Variants in PAWR observed in about 807,000 individuals in gnomAD.
The protein encoded by PAWR is PRKC apoptosis WT1 regulator protein.
A neutral mutation model predicts 32.0 loss-of-function variants in PAWR; 23 were observed. The ratio of observed to expected loss-of-function variants is 0.72; its 90% CI spans 0.52 to 1.02. The LOEUF is 1.02. PAWR is among the 50% of genes least tolerant of loss of function. The pLI is 0.00. For synonymous variants in PAWR, 226 were observed against 187.1 expected, an observed-to-expected ratio of 1.21 and a Z score of -1.70; for missense variants, 457 against 437.7, an observed-to-expected ratio of 1.04 and a Z score of -0.39.
At chr12:79,664,306 T>C (rs1877494506) in intron 2 of PAWR, among the ~76,000 whole-genome samples, 1 of 152,114 alleles carries the variant, frequency 6.6e-6, no homozygotes, top group Non-Finnish European at 1.5e-5. Context: ...ATCCTCTTCT[T>C]TCACTCCACC....
At chr12:79,625,229 A>G (rs1171985392) in intron 2 of PAWR, among the ~76,000 whole-genome samples, 1 of 152,084 alleles carries the variant, frequency 6.6e-6, no homozygotes, top group Non-Finnish European at 1.5e-5. Flanking sequence ...TCAGTTGTTT[A>G]TATATTAGGA....
intron 4 of PAWR, among the ~76,000 whole-genome samples, chr12:79,610,603 T>C (rs977856514): frequency 1.3e-5 from 2 of 152,010 alleles, no homozygotes; most frequent in African/African-American, 2.4e-5. Flanking sequence ...AAGGTGAAGA[T>C]ACTCATGTTA....
chr12:79,595,189 C>T (rs1873703785), intron 5 of PAWR, among the ~76,000 whole-genome samples: 1 of 152,224 alleles, frequency 6.6e-6, no homozygotes, highest in South Asian at 2.1e-4. Flanking sequence ...AGTTTTACTT[C>T]TGGCTCTGCC....
At chr12:79,633,180 T>C (rs940954427) in intron 2 of PAWR, among the ~76,000 whole-genome samples, 1 of 151,932 alleles carries the variant, frequency 6.6e-6, no homozygotes, top group Non-Finnish European at 1.5e-5. Context: ...TTAAAAACTT[T>C]TGCTATTCAA....
chr12:79,632,994 C>T (rs572895981), intron 2 of PAWR, among the ~76,000 whole-genome samples: 40 of 151,866 alleles, frequency 2.6e-4, no homozygotes, highest in African/African-American at 7.5e-4. Flanking sequence ...ATCAGCCAGG[C>T]GTAGTGGCGC....
chr12:79,640,460 G>T (rs748261220), intron 2 of PAWR, among the ~76,000 whole-genome samples: 3 of 152,150 alleles, frequency 2.0e-5, no homozygotes, highest in Non-Finnish European at 4.4e-5. Context: ...TTTTGAATAG[G>T]CTGGGCATAG....
At position 79,639,320 on chromosome 12, in the gene PAWR, T is replaced by C. The variant is rs890041359; in HGVS notation, c.517-18113A>G. 3.9e-5 allele frequency among the ~76,000 whole-genome samples: 6 copies of C among 152,274 alleles called. No homozygotes were observed. In the East Asian group the frequency reaches 7.7e-4, roughly 20 times the overall value. ...GTAATACCAGTTCTCTTTCTTATTA[T>C]TCACTTTTAAAATTTTCTTGGCTTC... is the stretch of plus-strand genomic sequence containing the variant. On this transcript the variant is annotated intron_variant, in intron 2 of 6. Transcript: ENST00000328827.
chr12:79,646,081 C>T (rs2136784953), intron 2 of PAWR, among the ~76,000 whole-genome samples: 1 of 152,044 alleles, frequency 6.6e-6, no homozygotes, highest in East Asian at 1.9e-4. Context: ...GTGTTTTTTT[C>T]AGAGTTTGGA....
At chr12:79,604,639 T>C (rs1874097105) in intron 4 of PAWR, 2 of 1,287,686 alleles carry the variant, frequency 1.6e-6, no homozygotes, top group Non-Finnish European at 1.0e-6. Context: ...TTTTAGTATC[T>C]TTCACTGCCC....
At chr12:79,651,869 C>T (rs1057234234) in intron 2 of PAWR, among the ~76,000 whole-genome samples, 2 of 152,168 alleles carry the variant, frequency 1.3e-5, no homozygotes, top group African/African-American at 4.8e-5. Context: ...ATCTACCAAG[C>T]TACCAATGAA....
intron 4 of PAWR, among the ~76,000 whole-genome samples, chr12:79,600,549 T>C (rs1380334129): frequency 2.6e-5 from 4 of 151,834 alleles, no homozygotes; most frequent in Non-Finnish European, 5.9e-5. Flanking sequence ...CATGGCTCAC[T>C]GCAGCCTTGA....
intron 2 of PAWR, among the ~76,000 whole-genome samples, chr12:79,660,880 A>G (rs1237844827): frequency 6.6e-6 from 1 of 151,580 alleles, no homozygotes; most frequent in Non-Finnish European, 1.5e-5. Flanking sequence ...CATTGCGGCC[A>G]GCCACTGTAT....
chr12:79,603,667 A>ATTTTTTT (rs899732732), intron 4 of PAWR: 1 of 97,896 alleles, frequency 1.0e-5, no homozygotes, highest in Non-Finnish European at 2.0e-5. Context: ...TCATTATGCT[A>ATTTTTTT]TTTTTTTTTT....
chr12:79,641,736 T>C (rs909178653), intron 2 of PAWR, among the ~76,000 whole-genome samples: 15 of 150,196 alleles, frequency 1.0e-4, no homozygotes, highest in African/African-American at 3.4e-4. Flanking sequence ...AATCCCAGCT[T>C]CTTGGGAGGC....
At chr12:79,628,202 TGAC>T (rs1875437028) in intron 2 of PAWR, among the ~76,000 whole-genome samples, 1 of 152,186 alleles carries the variant, frequency 6.6e-6, no homozygotes, top group African/African-American at 2.4e-5. Flanking sequence ...TGCTCCTGAA[TGAC>T]TACTGGGTAC....
chr12:79,586,166 C>T lies in PAWR; in HGVS notation c.*6441G>A, dbSNP rs12231772. On this transcript the variant is annotated 3_prime_UTR_variant, in exon 7 of 7. Coordinates refer to ENST00000328827, the MANE Select transcript of PAWR (RefSeq NM_002583.4). ...AAAACGTTTAATGTGTTATGGAAGG[C>T]TAACAGTTTTTCAGCTTTTCTCAAT... The T allele has an allele frequency of 0.11, 17,427 of 152,212 alleles. 1,073 individuals are homozygous for T. Among genetic ancestry groups the T allele is most frequent in the Non-Finnish European group, 0.13 (9,165 of 67,958 alleles). 9.4% of individuals were successfully genotyped at this position (152,212 alleles called of 1,614,324 possible). A position where few individuals can be genotyped will look rare whatever the true frequency, so the allele number is the denominator to read the frequency against.
intron 2 of PAWR, among the ~76,000 whole-genome samples, chr12:79,638,790 G>GGGGTGTGTGTGTGT (rs373489759): frequency 9.5e-6 from 1 of 105,272 alleles, no homozygotes; most frequent in African/African-American, 3.8e-5. Flanking sequence ...TTATATTTGG[G>GGGGTGTGTGTGTGT]GTGTGTGTGT....
intron 3 of PAWR, among the ~76,000 whole-genome samples, chr12:79,619,187 G>A (rs528520454): frequency 6.6e-6 from 1 of 152,220 alleles, no homozygotes; most frequent in African/African-American, 2.4e-5. Flanking sequence ...ATCTCGCCCA[G>A]GGCCTGAATC....
intron 2 of PAWR, among the ~76,000 whole-genome samples, chr12:79,671,008 G>A (rs1370116872): frequency 2.7e-5 from 4 of 150,126 alleles, no homozygotes; most frequent in African/African-American, 9.8e-5. Flanking sequence ...AAAAATATTA[G>A]CCAGGCACAG....
Sources: allele counts gnomAD v4.1 joint callset (sites outside exome capture counted in the v4.1 genomes callset), GRCh38; gene constraint gnomAD v4.1.1; transcripts MANE v1.5; gene names NCBI Gene and HGNC (gene_info 2026-07-23, HGNC 2026-07-21).